RALGAPA2: variants seen among roughly 807,000 people sequenced by gnomAD.
The protein encoded by RALGAPA2 is ral GTPase-activating protein subunit alpha-2.
A neutral mutation model predicts 230.4 loss-of-function variants in RALGAPA2; 139 were observed. That is an observed-to-expected ratio of 0.60 (90% confidence interval 0.53 to 0.69). The LOEUF is 0.69. Among genes scored for constraint, RALGAPA2 ranks in the 30% least tolerant of loss-of-function variants. The pLI is 0.00. For missense variants in RALGAPA2, 2,163 were observed against 2,276.0 expected (o/e 0.95, Z 1.01); for synonymous variants, 847 against 837.8 (o/e 1.01, Z -0.19).
chr20:20,602,811 GGC>G (rs956652973), intron 15 of RALGAPA2, among the ~76,000 whole-genome samples: 3 of 133,458 alleles, frequency 2.2e-5, no homozygotes, highest in Non-Finnish European at 3.3e-5. Flanking sequence ...CAGAATGGCA[GGC>G]GTGTGTGTGT....
At chr20:20,510,022 A>G (rs1341744644) in intron 33 of RALGAPA2, among the ~76,000 whole-genome samples, 1 of 152,228 alleles carries the variant, frequency 6.6e-6, no homozygotes, top group Non-Finnish European at 1.5e-5. Context: ...ATGAACCAAG[A>G]GTTTGCTTGA....
intron 37 of RALGAPA2, among the ~76,000 whole-genome samples, chr20:20,413,725 A>G (rs563085494): frequency 6.6e-6 from 1 of 152,352 alleles, no homozygotes; most frequent in Non-Finnish European, 1.5e-5. Flanking sequence ...AACCTCAAGC[A>G]AGGAAAATGT....
chr20:20,492,704 C>A (rs150486939), intron 36 of RALGAPA2, among the ~76,000 whole-genome samples: 2 of 152,282 alleles, frequency 1.3e-5, no homozygotes, highest in East Asian at 3.9e-4. Context: ...CGCTCACAGG[C>A]GGCCTTTCCC....
At chr20:20,471,539 A>T (rs534215225) in intron 37 of RALGAPA2, 1 of 151,180 alleles carries the variant, frequency 6.6e-6, no homozygotes, top group Non-Finnish European at 1.5e-5. Flanking sequence ...CATTTCTGCC[A>T]AGAGGCTCTT....
Position 20,495,293 on chromosome 20 carries a change from C to T in RALGAPA2, c.5209-18G>A. On this transcript the variant is annotated intron_variant, in intron 35 of 39. Transcript: ENST00000202677. ...TGACGAAGCTGCAACAGCAAATTGA[C>T]TGTTTATTAATCAGGGTGATAACAG... The T allele has an allele frequency of 6.6e-7, 1 of 1,508,742 alleles. No homozygotes were observed. Among genetic ancestry groups the T allele is most frequent in the Non-Finnish European group, 9.0e-7 (1 of 1,110,604 alleles). 93.5% of individuals were successfully genotyped at this position (1,508,742 alleles called of 1,614,324 possible). A position where few individuals can be genotyped will look rare whatever the true frequency, so the allele number is the denominator to read the frequency against.
intron 37 of RALGAPA2, among the ~76,000 whole-genome samples, chr20:20,467,122 A>G (rs1291496575): frequency 6.6e-6 from 1 of 152,204 alleles, no homozygotes; most frequent in Non-Finnish European, 1.5e-5. Flanking sequence ...GGTGCCCATG[A>G]ATTAATGTAT....
chr20:20,562,238 C>A (rs941558671), intron 23 of RALGAPA2, among the ~76,000 whole-genome samples: 8 of 152,108 alleles, frequency 5.3e-5, no homozygotes, highest in Admixed American at 5.2e-4. Flanking sequence ...AGCATCTACC[C>A]TCTCTGGGAA....
At chr20:20,586,123 C>G (rs1179505999) in intron 18 of RALGAPA2, among the ~76,000 whole-genome samples, 1 of 152,094 alleles carries the variant, frequency 6.6e-6, no homozygotes, top group Non-Finnish European at 1.5e-5. Context: ...CTGCTTCTAA[C>G]TATATGAGAG....
chr20:20,412,304 T>C (rs1047444067), intron 37 of RALGAPA2, among the ~76,000 whole-genome samples, 156 bp from the exon 38 acceptor site: 1 of 152,224 alleles, frequency 6.6e-6, no homozygotes, highest in African/African-American at 2.4e-5. Context: ...TTAGTCATAA[T>C]TCATACCCAA....
chr20:20,694,035 T>C (rs1040234190), intron 1 of RALGAPA2, among the ~76,000 whole-genome samples: 2 of 151,896 alleles, frequency 1.3e-5, no homozygotes, highest in Non-Finnish European at 2.9e-5. Flanking sequence ...GCCTGGGATG[T>C]GGAGGTTGCA....
intron 18 of RALGAPA2, among the ~76,000 whole-genome samples, chr20:20,586,225 T>C (rs1207115556): frequency 6.6e-6 from 1 of 152,114 alleles, no homozygotes; most frequent in Non-Finnish European, 1.5e-5. Flanking sequence ...TTCCAAGAAA[T>C]CTACCTTCAA....
At chr20:20,625,403 G>T (rs1340284470) in intron 10 of RALGAPA2, among the ~76,000 whole-genome samples, 1 of 152,156 alleles carries the variant, frequency 6.6e-6, no homozygotes. Flanking sequence ...TATACAGAGA[G>T]ACTTTGTTTA....
rs1351787406 is a variant in RALGAPA2, at chr20:20,391,057, CT to C, written c.*2231del. On this transcript the variant is annotated 3_prime_UTR_variant, in exon 40 of 40. Transcript: ENST00000202677. ...ATTTCTAAATCCTGACATATCTTTT[CT>C]ACTAAAGCCAGCAATTCCGCAACAG... 1 of 152,216 alleles carries C rather than the reference CT, an allele frequency of 6.6e-6. No homozygotes were observed. Among genetic ancestry groups the C allele is most frequent in the African/African-American group, 2.4e-5 (1 of 41,446 alleles). The allele number at this position is 152,216 out of a possible 1,614,324, so 9.4% of individuals were successfully genotyped here.
chr20:20,470,782 C>T (rs1390233049), intron 37 of RALGAPA2, among the ~76,000 whole-genome samples: 1 of 151,992 alleles, frequency 6.6e-6, no homozygotes, highest in East Asian at 1.9e-4. Context: ...TACTGTTTTC[C>T]ATTTTATTTG....
intron 11 of RALGAPA2, among the ~76,000 whole-genome samples, 162 bp downstream of exon 11, chr20:20,620,301 C>T (rs577876150): frequency 1.3e-5 from 2 of 152,292 alleles, no homozygotes; most frequent in African/African-American, 4.8e-5. Context: ...AGAAGCTACT[C>T]TCCTTGGTAG....
chr20:20,457,126 C>T (rs1230653349), intron 37 of RALGAPA2, among the ~76,000 whole-genome samples: 1 of 152,162 alleles, frequency 6.6e-6, no homozygotes, highest in Admixed American at 6.5e-5. Context: ...TTGCACCCTT[C>T]TTGCTAGGTC....
At chr20:20,512,391 A>G (rs2062739419) in intron 32 of RALGAPA2, 122 bp downstream of exon 32, 3 of 1,050,874 alleles carry the variant, frequency 2.9e-6, no homozygotes, top group Non-Finnish European at 4.0e-6. Context: ...GTTAAAATAA[A>G]GAAAAATCTC....
At chr20:20,659,772 C>A in intron 3 of RALGAPA2, 2 of 916,244 alleles carry the variant, frequency 2.2e-6, no homozygotes, top group South Asian at 2.6e-5. Flanking sequence ...ATGAAGAAAA[C>A]AGCACACAGA....
intron 23 of RALGAPA2, among the ~76,000 whole-genome samples, chr20:20,562,840 T>TA (rs1017047729): frequency 1.3e-5 from 2 of 151,978 alleles, no homozygotes; most frequent in African/African-American, 4.8e-5. Flanking sequence ...TCTACAGCTA[T>TA]AAAAAAAAGA....
Sources: gnomAD v4.1 joint callset for allele counts (sites outside exome capture counted in the v4.1 genomes callset) on GRCh38, gnomAD v4.1.1 for gene constraint, MANE v1.5 for transcripts, NCBI Gene and HGNC (gene_info 2026-07-23, HGNC 2026-07-21) for gene names.